TIMP3: variants seen among roughly 807,000 people sequenced by gnomAD.
TIMP3 encodes metalloproteinase inhibitor 3.
Under a neutral mutation model 30.0 loss-of-function variants are expected in TIMP3, and 11 were observed. The ratio of observed to expected loss-of-function variants is 0.37; its 90% CI spans 0.23 to 0.61. TIMP3 has a LOEUF of 0.61. Ranked by LOEUF, TIMP3 falls within the 20% of genes least tolerant of loss-of-function variation. The pLI is 0.70. For missense variants in TIMP3, 181 were observed against 276.8 expected, an observed-to-expected ratio of 0.65 and a Z score of 2.45; for synonymous variants, 112 against 111.3, an observed-to-expected ratio of 1.01 and a Z score of -0.04.
In TIMP3 at chr22:32,837,911, T is replaced by C. The variant is rs2047780994; in HGVS notation, c.122-11541T>C. Among the ~76,000 whole-genome samples, 1 of 152,192 alleles carries C rather than the reference T, an allele frequency of 6.6e-6. No individual in the cohort carries two copies. Among genetic ancestry groups the C allele is most frequent in the East Asian group, 1.9e-4 (1 of 5,190 alleles). On this transcript the variant is annotated intron_variant, in intron 1 of 4. Coordinates refer to ENST00000266085, the MANE Select transcript of TIMP3 (RefSeq NM_000362.5). The surrounding 1 kb of genome is among the most constrained non-coding windows in gnomAD (Gnocchi z 4.1). ...CTCCAATGGGCTGGACTCTCCAGCC[T>C]CCGGGCCTCTGCCCAACCATGACCA...
intron 2 of TIMP3, among the ~76,000 whole-genome samples, chr22:32,851,472 C>G (rs1300121650): frequency 2.0e-5 from 3 of 152,144 alleles, no homozygotes; most frequent in Non-Finnish European, 4.4e-5. Flanking sequence ...AGCCTATCAG[C>G]ATCAGACACT....
Position 32,843,159 on chromosome 22 carries a change from G to A in TIMP3, c.122-6293G>A, listed in dbSNP as rs562778950. Among the ~76,000 whole-genome samples, 22 of 152,256 alleles carry A rather than the reference G, an allele frequency of 1.4e-4. No homozygotes were observed. In the South Asian group the frequency reaches 4.6e-3, roughly 32 times the overall value. ...TCATTGTCCACAGTTGGAAAGTAGG[G>A]ACATTAACAGCCACAACAGTAGCCA... On this transcript the variant is annotated intron_variant, in intron 1 of 4. Coordinates refer to ENST00000266085, the MANE Select transcript of TIMP3 (RefSeq NM_000362.5).
chr22:32,835,684 T>C (rs575681061), intron 1 of TIMP3, among the ~76,000 whole-genome samples: 1 of 152,190 alleles, frequency 6.6e-6, no homozygotes, highest in Non-Finnish European at 1.5e-5. Context: ...CCCCTTGCCA[T>C]ACTCTTTGGT....
chr22:32,838,842 A>G (rs750826362), intron 1 of TIMP3, among the ~76,000 whole-genome samples: 2 of 151,774 alleles, frequency 1.3e-5, no homozygotes, highest in South Asian at 2.1e-4. Context: ...CCTGGCCACA[A>G]TCTAGGCTCT....
chr22:32,821,472 T>C (rs541488230), intron 1 of TIMP3, among the ~76,000 whole-genome samples: 317 of 152,188 alleles, frequency 2.1e-3, no homozygotes, highest in African/African-American at 7.5e-3. Flanking sequence ...TTGATAGAAA[T>C]GGATTTATTA....
chr22:32,812,440 G>T (rs2046939916), intron 1 of TIMP3, among the ~76,000 whole-genome samples: 1 of 152,170 alleles, frequency 6.6e-6, no homozygotes, highest in South Asian at 2.1e-4. Context: ...CAGCAACCTT[G>T]CAGACTTAGT....
intron 1 of TIMP3, among the ~76,000 whole-genome samples, chr22:32,818,042 A>C (rs1009395527): frequency 1.3e-5 from 2 of 152,236 alleles, no homozygotes; most frequent in African/African-American, 4.8e-5. Flanking sequence ...GCTATCTTGG[A>C]TCATTAGAAC....
At position 32,861,587 on chromosome 22, in the gene TIMP3, C is replaced by G. The variant is rs2048539823; in HGVS notation, c.*2210C>G. 6.6e-6 allele frequency: 1 copy of G among 152,584 alleles called. No individual in the cohort carries two copies. Among genetic ancestry groups the G allele is most frequent in the Non-Finnish European group, 1.5e-5 (1 of 68,030 alleles). The allele number at this position is 152,584 out of a possible 1,614,324, so 9.5% of individuals were successfully genotyped here. On this transcript the variant is annotated 3_prime_UTR_variant, in exon 5 of 5. Coordinates refer to ENST00000266085, the MANE Select transcript of TIMP3 (RefSeq NM_000362.5). ...ATTCGCACTCCCTGGTGTGGTCAGC[C>G]TCTCTCACACAAGGAGGAACTTGGG...
chr22:32,855,206 T>TA (rs1327180286), intron 2 of TIMP3, among the ~76,000 whole-genome samples: 3 of 152,206 alleles, frequency 2.0e-5, no homozygotes, highest in South Asian at 2.1e-4. Context: ...CCGCCCCCGT[T>TA]ACCAAATCTC....
chr22:32,827,253 G>A (rs2047439846), intron 1 of TIMP3, among the ~76,000 whole-genome samples: 1 of 152,180 alleles, frequency 6.6e-6, no homozygotes, highest in African/African-American at 2.4e-5. Flanking sequence ...ACCCCTGTCT[G>A]GCACCAGCAG....
At chr22:32,848,964 C>T (rs2048144113) in intron 1 of TIMP3, among the ~76,000 whole-genome samples, 1 of 152,120 alleles carries the variant, frequency 6.6e-6, no homozygotes, top group Non-Finnish European at 1.5e-5. Flanking sequence ...TAGGGTGCAC[C>T]ACAACCCTGT....
intron 1 of TIMP3, among the ~76,000 whole-genome samples, chr22:32,832,133 A>G (rs186822568): frequency 6.6e-6 from 1 of 152,348 alleles, no homozygotes; most frequent in East Asian, 1.9e-4. Flanking sequence ...ACCCAGACAG[A>G]TCCCAGGCTG....
At chr22:32,802,215 T>G in intron 1 of TIMP3, 93 bp downstream of exon 1, 2 of 1,483,462 alleles carry the variant, frequency 1.3e-6, no homozygotes, top group Non-Finnish European at 9.0e-7. Context: ...TCCTTTCCTC[T>G]GCCCCAGGAG....
At chr22:32,842,840 A>G (rs2047952488) in intron 1 of TIMP3, among the ~76,000 whole-genome samples, 1 of 152,074 alleles carries the variant, frequency 6.6e-6, no homozygotes, top group South Asian at 2.1e-4. Context: ...TTTTATTACT[A>G]ATCAGAGGAC....
chr22:32,842,708 CTGTGGTTT>C (rs1029042648), intron 1 of TIMP3, among the ~76,000 whole-genome samples: 10 of 152,126 alleles, frequency 6.6e-5, no homozygotes, highest in Non-Finnish European at 1.2e-4. Flanking sequence ...CTTAGGGAGC[CTGTGGTTT>C]TGTGGTTTCT....
intron 1 of TIMP3, among the ~76,000 whole-genome samples, chr22:32,823,828 G>A (rs1176985862): frequency 1.3e-5 from 2 of 152,110 alleles, no homozygotes; most frequent in Non-Finnish European, 2.9e-5. Flanking sequence ...TGCCTCCAGA[G>A]CCCCATGTCC....
chr22:32,832,493 GC>G (rs940521019), intron 1 of TIMP3, among the ~76,000 whole-genome samples: 2 of 150,664 alleles, frequency 1.3e-5, no homozygotes, highest in African/African-American at 4.9e-5. Context: ...CCAATTCCTG[GC>G]CCAGGGCTCT....
intron 1 of TIMP3, among the ~76,000 whole-genome samples, chr22:32,823,872 T>A (rs1242217856): frequency 6.6e-6 from 1 of 152,170 alleles, no homozygotes; most frequent in Non-Finnish European, 1.5e-5. Context: ...CACAGTGCCC[T>A]GCCACAGGTG....
intron 1 of TIMP3, among the ~76,000 whole-genome samples, chr22:32,811,929 C>A (rs898830178): frequency 1.3e-5 from 2 of 152,142 alleles, no homozygotes; most frequent in Admixed American, 6.5e-5. Flanking sequence ...GGAATGGTGA[C>A]AATGAACTTG....
Sources: gnomAD v4.1 joint callset for allele counts (sites outside exome capture counted in the v4.1 genomes callset) on GRCh38, gnomAD v4.1.1 for gene constraint, Gnocchi (gnomAD v3.1) non-coding constraint, MANE v1.5 for transcripts, NCBI Gene and HGNC (gene_info 2026-07-23, HGNC 2026-07-21) for gene names.